The following CSRP2 variants were observed in gnomAD, a reference collection of about 807,000 sequenced individuals.
The protein encoded by CSRP2 is cysteine and glycine rich protein 2, also known as cysteine and glycine-rich protein 2.
CSRP2 carries 18 observed loss-of-function variants against 24.6 expected under a neutral mutation model. The observed-to-expected ratio is 0.73, with a 90% CI of 0.51 to 1.09. The LOEUF is 1.09. Among genes scored for constraint, CSRP2 ranks in the 50% least tolerant of loss-of-function variants. The pLI is 0.00. For synonymous variants in CSRP2, 87 were observed against 84.3 expected, an observed-to-expected ratio of 1.03 and a Z score of -0.18; for missense variants, 215 against 239.4, an observed-to-expected ratio of 0.90 and a Z score of 0.67.
At chr12:76,870,975 C>CA (rs398020213) in intron 1 of CSRP2, among the ~76,000 whole-genome samples, 2,992 of 57,022 alleles carry the variant, frequency 0.052, 367 homozygotes, top group African/African-American at 0.13. Context: ...GACCCTGTCT[C>CA]AAAAAAAAAA....
At chr12:76,866,892 C>T (rs1953741231) in intron 1 of CSRP2, among the ~76,000 whole-genome samples, 1 of 152,162 alleles carries the variant, frequency 6.6e-6, no homozygotes, top group Non-Finnish European at 1.5e-5. Flanking sequence ...GTAACCACAA[C>T]AAACGCCCAT....
At chr12:76,874,714 C>T (rs1473942633) in intron 1 of CSRP2, among the ~76,000 whole-genome samples, 2 of 152,142 alleles carry the variant, frequency 1.3e-5, no homozygotes, top group African/African-American at 4.8e-5. Flanking sequence ...GGAGGGTAAG[C>T]GAGCATTACC....
At chr12:76,872,266 C>T (rs1288942309) in intron 1 of CSRP2, among the ~76,000 whole-genome samples, 1 of 152,178 alleles carries the variant, frequency 6.6e-6, no homozygotes, top group African/African-American at 2.4e-5. Flanking sequence ...ATTCATAAGA[C>T]TCACCCATGC....
chr12:76,862,361 T>G (rs1298414812), intron 3 of CSRP2: 1 of 152,728 alleles, frequency 6.5e-6, no homozygotes, highest in Non-Finnish European at 1.5e-5. Context: ...GCCAATATGG[T>G]GAGACCCCGC....
intron 1 of CSRP2, among the ~76,000 whole-genome samples, chr12:76,873,976 G>A (rs1263638057): frequency 2.0e-5 from 3 of 152,150 alleles, no homozygotes; most frequent in Non-Finnish European, 4.4e-5. Context: ...CATAAGCCAG[G>A]TACTGGGTTA....
rs572329856 is a variant in CSRP2, at chr12:76,874,832, G to A, written c.-2+4106C>T. Among the ~76,000 whole-genome samples, 41 of 152,240 alleles carry A rather than the reference G, an allele frequency of 2.7e-4. 1 individual carries two copies. In the South Asian group the frequency reaches 7.7e-3, roughly 29 times the overall value. On this transcript the variant is annotated intron_variant, in intron 1 of 5. Transcript: ENST00000311083. ...AGGGATCTAGGTGCCCACTCGTTAC[G>A]AGAATCTAATGCCTGGTGATCTGAG...
At position 76,860,146 on chromosome 12, in the gene CSRP2, G is replaced by A; in HGVS notation, c.411+138C>T. The A allele has an allele frequency of 6.8e-6, 6 of 884,306 alleles. No individual in the cohort carries two copies. The East Asian group carries it at 1.6e-4, about 23-fold the overall frequency. The allele number at this position is 884,306 out of a possible 1,614,324, so 54.8% of individuals were successfully genotyped here. On this transcript the variant is annotated intron_variant, in intron 4 of 5. Transcript: ENST00000311083. ...CTTCAAAAAAGTTAATGATTCTGAT[G>A]GAAATGCATTTAAAGAAAAGTTTCA...
At chr12:76,859,976 G>T (rs1424494688) in intron 4 of CSRP2, among the ~76,000 whole-genome samples, 1 of 152,190 alleles carries the variant, frequency 6.6e-6, no homozygotes, top group Non-Finnish European at 1.5e-5. Context: ...CAGGTGTCCT[G>T]ACTCGGATTC....
chr12:76,863,289 G>C lies in CSRP2; in HGVS notation c.168C>G (p.Ile56Met), dbSNP rs1227445330. 6.2e-7 allele frequency: 1 copy of C among 1,614,092 alleles called. No individual in the cohort carries two copies. Among genetic ancestry groups the C allele is most frequent in the Non-Finnish European group, 8.5e-7 (1 of 1,180,048 alleles). Residue 56 changes from isoleucine (I) to methionine (M), a missense_variant, in exon 3 of 6, where the codon ATC becomes ATG. Coordinates refer to ENST00000311083, the MANE Select transcript of CSRP2 (RefSeq NM_001321.3). The stretch of plus-strand genomic sequence containing the variant: ...TCTTTCCGTAGCAGGATTTGCAGTA[G>C]ATCTCTTCATCGTGAATTGCCACTG... ...STTVAIHDEE[I>M]YCKSCYGKKY...
chr12:76,868,919 C>T (rs941138185), intron 1 of CSRP2, among the ~76,000 whole-genome samples: 7 of 140,704 alleles, frequency 5.0e-5, no homozygotes, highest in East Asian at 2.0e-4. Flanking sequence ...GGCGACAGAG[C>T]GAGACTCCGC....
intron 3 of CSRP2, 181 bp downstream of exon 3, chr12:76,862,995 A>T: frequency 6.9e-7 from 1 of 1,446,318 alleles, no homozygotes; most frequent in African/African-American, 1.4e-5. Context: ...TGGAATTATT[A>T]ATAAGAACTT....
intron 5 of CSRP2, 91 bp downstream of exon 5, chr12:76,859,456 C>CTTTTTTTTTT (rs529262700): frequency 1.9e-6 from 1 of 524,580 alleles, no homozygotes; most frequent in Non-Finnish European, 3.0e-6. Context: ...GCATACTTTT[C>CTTTTTTTTTT]TTTTTTTTTT....
rs1188161667 is a variant in CSRP2 at position 76,862,700 on chromosome 12, GAAGT to G, written c.281+472_281+475del. 8.8e-6 allele frequency: 11 copies of G among 1,245,574 alleles called. No homozygotes were observed. In the East Asian group the frequency reaches 3.1e-4, roughly 35 times the overall value. 77.2% of individuals were successfully genotyped at this position (1,245,574 alleles called of 1,614,324 possible). A position where few individuals can be genotyped will look rare whatever the true frequency, so the allele number is the denominator to read the frequency against. ...TACTCTCTCAAAGAATCAAAAATAA[GAAGT>G]AATTTCCATTTTTAAGTAAAAAATT... On this transcript the variant is annotated intron_variant, in intron 3 of 5. Transcript: ENST00000311083.
chr12:76,866,941 C>A (rs1049777888), intron 1 of CSRP2, among the ~76,000 whole-genome samples: 1 of 152,164 alleles, frequency 6.6e-6, no homozygotes, highest in Non-Finnish European at 1.5e-5. Flanking sequence ...CTTCACTAAC[C>A]CCAAGGCCCA....
chr12:76,873,236 TAC>T (rs1167652807), intron 1 of CSRP2, among the ~76,000 whole-genome samples: 1 of 152,208 alleles, frequency 6.6e-6, no homozygotes, highest in Non-Finnish European at 1.5e-5. Flanking sequence ...TATTATAAAA[TAC>T]AGTCTCATCT....
intron 1 of CSRP2, among the ~76,000 whole-genome samples, chr12:76,868,858 G>A (rs988331018): frequency 4.0e-5 from 6 of 151,798 alleles, no homozygotes; most frequent in Non-Finnish European, 5.9e-5. Context: ...GCGTGAACCC[G>A]GGAGGCGGAG....
chr12:76,871,763 C>CA lies in CSRP2; in HGVS notation c.-1-5503dup, dbSNP rs5799293. ...TGGGTGAAACTGCAAGACTCCGACT[C>CA]AAAAAAAAAAAAAAAAGAAAAGAAA... is the stretch of plus-strand genomic sequence containing the variant. On this transcript the variant is annotated intron_variant, in intron 1 of 5. Coordinates refer to ENST00000311083, the MANE Select transcript of CSRP2 (RefSeq NM_001321.3). 3.0e-3 allele frequency among the ~76,000 whole-genome samples: 363 copies of CA among 122,900 alleles called. 3 individuals carry two copies. Among genetic ancestry groups the CA allele is most frequent in the African/African-American group, 0.011 (353 of 33,236 alleles). The allele number at this position is 122,900 out of a possible 152,430, so 80.6% of individuals were successfully genotyped here.
intron 3 of CSRP2, 160 bp downstream of exon 3, chr12:76,863,016 A>C: frequency 7.0e-7 from 1 of 1,437,292 alleles, no homozygotes; most frequent in Non-Finnish European, 9.1e-7. Flanking sequence ...TGTTAGGTCC[A>C]AAACTCAATA....
rs77781098 is a variant in CSRP2 at position 76,868,818 on chromosome 12, A to G, written c.-1-2557T>C. Among the ~76,000 whole-genome samples, 240 of 152,156 alleles carry G rather than the reference A, an allele frequency of 1.6e-3. 6 individuals carry two copies. The East Asian group carries it at 0.041, about 26-fold the overall frequency. On this transcript the variant is annotated intron_variant, in intron 1 of 5. Coordinates refer to ENST00000311083, the MANE Select transcript of CSRP2 (RefSeq NM_001321.3). ...CACGGTGGTGGGGGCCTGTAGTCCC[A>G]GCTACTCAGGAGGCTGAGGCAGGAG...
Sources: allele counts gnomAD v4.1 joint callset (sites outside exome capture counted in the v4.1 genomes callset), GRCh38; gene constraint gnomAD v4.1.1; transcripts MANE v1.5; gene names NCBI Gene and HGNC (gene_info 2026-07-23, HGNC 2026-07-21).